GRIK3: variants seen among roughly 807,000 people sequenced by gnomAD.
GRIK3 encodes the protein glutamate ionotropic receptor kainate type subunit 3, also known as glutamate receptor ionotropic, kainate 3.
A neutral mutation model predicts 102.5 loss-of-function variants in GRIK3; 29 were observed. The observed-to-expected ratio is 0.28, with a 90% CI of 0.21 to 0.39. GRIK3 has a LOEUF of 0.39. Ranked by LOEUF, GRIK3 falls within the 10% of genes least tolerant of loss-of-function variation. The pLI, the probability that GRIK3 is intolerant of heterozygous loss-of-function variation, is 1.00. For missense variants in GRIK3, 908 were observed against 1,252.4 expected, an observed-to-expected ratio of 0.73 and a Z score of 4.15; for synonymous variants, 511 against 504.9, an observed-to-expected ratio of 1.01 and a Z score of -0.16.
At chr1:36,858,310 A>G (rs978122818) in intron 7 of GRIK3, among the ~76,000 whole-genome samples, 1 of 152,222 alleles carries the variant, frequency 6.6e-6, no homozygotes, top group Non-Finnish European at 1.5e-5. Context: ...TCAAAGAGTT[A>G]ATCAGCTCAC....
chr1:36,822,779 C>A (rs890005605), intron 11 of GRIK3, among the ~76,000 whole-genome samples: 2 of 152,194 alleles, frequency 1.3e-5, no homozygotes, highest in Non-Finnish European at 2.9e-5. Flanking sequence ...CTCAGCCCTG[C>A]CTCCTGGGTC....
rs1375423702 is a variant in GRIK3 at position 37,034,136 on chromosome 1, G to A, written c.-28C>T. ...TTGGGCGCCGCCGAGCGTGCCCGGG[G>A]CGCGGCCGTGGCGGGCTCCCTGGGG... On this transcript the variant is annotated 5_prime_UTR_variant, in exon 1 of 16. Coordinates refer to ENST00000373091, the MANE Select transcript of GRIK3 (RefSeq NM_000831.4). 8 of 1,300,572 alleles carry A rather than the reference G, an allele frequency of 6.2e-6. No homozygotes were observed. The highest frequency in any genetic ancestry group is 2.5e-4 in the Middle Eastern group (1 of 3,990). The allele number at this position is 1,300,572 out of a possible 1,614,324, so 80.6% of individuals were successfully genotyped here. A position where few individuals can be genotyped will look rare whatever the true frequency, so the allele number is the denominator to read the frequency against.
chr1:37,033,874 C>G (rs1439119876), intron 1 of GRIK3, 120 bp downstream of exon 1: 3 of 542,252 alleles, frequency 5.5e-6, no homozygotes, highest in Non-Finnish European at 9.9e-6. Flanking sequence ...CTGGTGGTCA[C>G]CGATCGGCTC....
intron 1 of GRIK3, among the ~76,000 whole-genome samples, chr1:37,020,479 C>T (rs1445422548): frequency 1.3e-5 from 2 of 152,118 alleles, no homozygotes; most frequent in Admixed American, 6.5e-5. Context: ...TTACAAAATG[C>T]GATGTGAAAG....
chr1:36,997,702 G>A (rs1037632075), intron 1 of GRIK3, among the ~76,000 whole-genome samples: 1 of 152,120 alleles, frequency 6.6e-6, no homozygotes, highest in African/African-American at 2.4e-5. Context: ...GAGGAGTGCC[G>A]TGGTGGTCAG....
At chr1:36,987,745 C>A (rs1213665974) in intron 1 of GRIK3, among the ~76,000 whole-genome samples, 1 of 152,138 alleles carries the variant, frequency 6.6e-6, no homozygotes, top group Non-Finnish European at 1.5e-5. Context: ...AGGCCAGGAC[C>A]TCCACCGACA....
intron 1 of GRIK3, among the ~76,000 whole-genome samples, chr1:36,947,504 G>A (rs1217477415): frequency 6.6e-6 from 1 of 152,084 alleles, no homozygotes; most frequent in African/African-American, 2.4e-5. Context: ...AGAATTCAAG[G>A]CTCTTGGCAA....
At chr1:37,026,241 T>C (rs891851055) in intron 1 of GRIK3, among the ~76,000 whole-genome samples, 1 of 152,152 alleles carries the variant, frequency 6.6e-6, no homozygotes, top group Admixed American at 6.5e-5. Context: ...CCATAAATAA[T>C]GGGCCAGGCG....
At chr1:36,876,008 C>A (rs1054730115) in intron 3 of GRIK3, among the ~76,000 whole-genome samples, 12 of 152,204 alleles carry the variant, frequency 7.9e-5, no homozygotes, top group Admixed American at 7.9e-4. Context: ...ACCCAGTGAG[C>A]TATACAGGAT....
intron 1 of GRIK3, among the ~76,000 whole-genome samples, chr1:36,930,145 A>G (rs1428913140): frequency 6.6e-6 from 1 of 152,190 alleles, no homozygotes; most frequent in Non-Finnish European, 1.5e-5. Flanking sequence ...ACACAGGATG[A>G]CCCTAATACA....
chr1:36,870,303 G>T (rs1031137950), intron 4 of GRIK3, among the ~76,000 whole-genome samples: 1 of 152,242 alleles, frequency 6.6e-6, no homozygotes, highest in Non-Finnish European at 1.5e-5. Context: ...AAGAAGGGCT[G>T]AGGCATCCCT....
At chr1:36,937,065 G>T (rs1258356757) in intron 1 of GRIK3, among the ~76,000 whole-genome samples, 1 of 152,194 alleles carries the variant, frequency 6.6e-6, no homozygotes, top group Non-Finnish European at 1.5e-5. Context: ...TGTTGGCTTA[G>T]CTGAAGATTC....
intron 9 of GRIK3, among the ~76,000 whole-genome samples, chr1:36,842,808 G>A (rs1475294490): frequency 6.6e-6 from 1 of 152,208 alleles, no homozygotes; most frequent in Non-Finnish European, 1.5e-5. Context: ...AAGTTCATGA[G>A]GATATGTGAG....
At chr1:36,851,745 C>T (rs960771752) in intron 8 of GRIK3, among the ~76,000 whole-genome samples, 4 of 152,228 alleles carry the variant, frequency 2.6e-5, no homozygotes, top group Admixed American at 2.6e-4. Context: ...AACCTCTGCC[C>T]AGGGATAATA....
intron 2 of GRIK3, among the ~76,000 whole-genome samples, chr1:36,889,654 G>A (rs60926661): frequency 0.011 from 1,701 of 152,222 alleles, 28 homozygotes; most frequent in African/African-American, 0.039. Flanking sequence ...GTTTCACATA[G>A]GGCAGGACTA....
rs149846087 is a variant in GRIK3, at chr1:36,802,781, C to A, written c.2566-736G>T. ...CTCAACTTACCTAGTGAGGCCAGGG[C>A]ACTAGCACCAGGACTACTTGTGTGC... On this transcript the variant is annotated intron_variant, in intron 15 of 15. Coordinates refer to ENST00000373091, the MANE Select transcript of GRIK3 (RefSeq NM_000831.4). Among the ~76,000 whole-genome samples the A allele has an allele frequency of 4.0e-3, 604 of 152,280 alleles. 4 individuals carry two copies. Among genetic ancestry groups the A allele is most frequent in the African/African-American group, 0.013 (555 of 41,552 alleles).
chr1:36,939,602 G>A (rs998659546), intron 1 of GRIK3, among the ~76,000 whole-genome samples: 2 of 152,234 alleles, frequency 1.3e-5, no homozygotes, highest in Non-Finnish European at 2.9e-5. Context: ...GTATTACAAG[G>A]ATAATGCTTT....
intron 1 of GRIK3, among the ~76,000 whole-genome samples, chr1:36,979,302 C>G (rs142071971): frequency 9.2e-5 from 14 of 152,244 alleles, no homozygotes; most frequent in African/African-American, 3.4e-4. Context: ...GCCAATGAAC[C>G]AACAGGCCAG....
chr1:36,956,421 A>C (rs529981768), intron 1 of GRIK3, among the ~76,000 whole-genome samples: 1 of 152,276 alleles, frequency 6.6e-6, no homozygotes, highest in East Asian at 1.9e-4. Context: ...AACTGCCACA[A>C]TTTACCCAGA....
Sources: allele counts gnomAD v4.1 joint callset (sites outside exome capture counted in the v4.1 genomes callset), GRCh38; gene constraint gnomAD v4.1.1; transcripts MANE v1.5; gene names NCBI Gene and HGNC (gene_info 2026-07-23, HGNC 2026-07-21).